RTN1: variants seen among roughly 807,000 people sequenced by gnomAD.
RTN1 encodes reticulon-1.
RTN1 carries 25 observed loss-of-function variants against 65.5 expected under a neutral mutation model. That is an observed-to-expected ratio of 0.38 (90% CI 0.28 to 0.53). The LOEUF (loss-of-function observed/expected upper bound fraction) is 0.53, where lower values mean the gene tolerates loss of function less well. Ranked by LOEUF, RTN1 falls within the 20% of genes least tolerant of loss-of-function variation. RTN1 has a pLI of 0.79. For missense variants in RTN1, 983 were observed against 1,025.4 expected, an observed-to-expected ratio of 0.96 and a Z score of 0.57; for synonymous variants, 471 against 447.6, an observed-to-expected ratio of 1.05 and a Z score of -0.66.
At chr14:59,767,904 T>G (rs1198285016) in intron 1 of RTN1, among the ~76,000 whole-genome samples, 1 of 152,214 alleles carries the variant, frequency 6.6e-6, no homozygotes, top group East Asian at 1.9e-4. Context: ...GTTGCCTTTA[T>G]GTAAAAAGCT....
chr14:59,717,197 G>T (rs1281721601), intron 3 of RTN1, among the ~76,000 whole-genome samples: 1 of 152,114 alleles, frequency 6.6e-6, no homozygotes, highest in East Asian at 1.9e-4. Flanking sequence ...GAAAGAATTA[G>T]GTTTTGGGGC....
In RTN1 at chr14:59,727,240, T is replaced by G. The variant is rs1267447686; in HGVS notation, c.1444A>C (p.Lys482Gln). The G allele has an allele frequency of 5.2e-6, 8 of 1,549,166 alleles. No homozygotes were observed. The highest frequency in any genetic ancestry group is 7.0e-6 in the Non-Finnish European group (8 of 1,147,960). The change falls in exon 3 of 9, where the codon AAG becomes CAG. Residue 482 changes from lysine to glutamine, a missense_variant. Physicochemically the swap from Lys to Gln is moderately conservative, Grantham distance 53 (BLOSUM62 1). Transcript: ENST00000267484. The surrounding 1 kb of genome is among the most constrained non-coding windows in gnomAD (Gnocchi z 4.2). ...DASSASEESP[K>Q]REQDSPPMKP... is the part of the protein sequence containing the mutation. Reference sequence around the variant, plus strand: ...ATCGGGGGTGAGTCCTGCTCCCGCTTGGGGCTCTCCTCCGAGGCCGAGGAG... The same window carrying G: ...ATCGGGGGTGAGTCCTGCTCCCGCTGGGGGCTCTCCTCCGAGGCCGAGGAG...
intron 1 of RTN1, among the ~76,000 whole-genome samples, chr14:59,856,181 C>T (rs1887604560): frequency 6.6e-6 from 1 of 152,098 alleles, no homozygotes; most frequent in African/African-American, 2.4e-5. Flanking sequence ...CTTTCAGAGT[C>T]CCTTTCTATT....
chr14:59,674,264 T>C (rs1188957862), intron 3 of RTN1, among the ~76,000 whole-genome samples: 1 of 152,248 alleles, frequency 6.6e-6, no homozygotes, highest in East Asian at 1.9e-4. Context: ...ATGGGTGGTC[T>C]ACTAGCAGTG....
At position 59,870,285 on chromosome 14, in the gene RTN1, A is replaced by G; in HGVS notation, c.241+105T>C. 1 of 1,200,294 alleles carries G rather than the reference A, an allele frequency of 8.3e-7. No individual in the cohort carries two copies. Among genetic ancestry groups the G allele is most frequent in the Non-Finnish European group, 1.1e-6 (1 of 934,864 alleles). The allele number at this position is 1,200,294 out of a possible 1,614,324, so 74.4% of individuals were successfully genotyped here. The stretch of plus-strand genomic sequence containing the variant: ...GACGCGGGGGTGGGGTCGGCGCTCA[A>G]GGCAGAAAGCGCGAGGCAGGTGCCC... On this transcript the variant is annotated intron_variant, in intron 1 of 8. Coordinates refer to ENST00000267484, the MANE Select transcript of RTN1 (RefSeq NM_021136.3). The surrounding 1 kb of genome is among the most constrained non-coding windows in gnomAD (Gnocchi z 5.1).
intron 3 of RTN1, among the ~76,000 whole-genome samples, chr14:59,617,706 T>C (rs74697093): frequency 2.0e-5 from 3 of 152,204 alleles, no homozygotes; most frequent in African/African-American, 7.2e-5. Flanking sequence ...ATTGTACTCC[T>C]AATCCTAGCC....
chr14:59,683,951 T>G (rs1883795393), intron 3 of RTN1, among the ~76,000 whole-genome samples: 1 of 152,104 alleles, frequency 6.6e-6, no homozygotes, highest in Non-Finnish European at 1.5e-5. Context: ...CCCTTTGAGT[T>G]AGTGCCTTAA....
chr14:59,839,915 A>G (rs1396071184), intron 1 of RTN1, among the ~76,000 whole-genome samples: 5 of 152,148 alleles, frequency 3.3e-5, no homozygotes, highest in East Asian at 1.9e-4. Flanking sequence ...TCATAAAATT[A>G]ACCTGTCCTC....
At chr14:59,719,256 A>G (rs1884599764) in intron 3 of RTN1, among the ~76,000 whole-genome samples, 1 of 152,190 alleles carries the variant, frequency 6.6e-6, no homozygotes, top group Non-Finnish European at 1.5e-5. Context: ...TTCTAGCAAC[A>G]TCAACTTGTT....
chr14:59,855,535 C>T (rs1374450144), intron 1 of RTN1, among the ~76,000 whole-genome samples: 1 of 152,104 alleles, frequency 6.6e-6, no homozygotes, highest in Non-Finnish European at 1.5e-5. Context: ...TTTGTGATGG[C>T]TACATTAAAA....
chr14:59,618,694 C>A (rs1177153824), intron 3 of RTN1, among the ~76,000 whole-genome samples: 1 of 152,134 alleles, frequency 6.6e-6, no homozygotes, highest in African/African-American at 2.4e-5. Flanking sequence ...GATGCTTCTT[C>A]CAAAACAAAA....
chr14:59,742,333 G>A (rs1885131156), intron 2 of RTN1, among the ~76,000 whole-genome samples: 1 of 152,140 alleles, frequency 6.6e-6, no homozygotes, highest in Non-Finnish European at 1.5e-5. Flanking sequence ...TGGTGTTTGT[G>A]TCAGAAACAA....
chr14:59,731,959 G>C, intron 2 of RTN1, among the ~76,000 whole-genome samples: 1 of 152,106 alleles, frequency 6.6e-6, no homozygotes, highest in African/African-American at 2.4e-5. Context: ...AGTATTCCCT[G>C]CCGCTCCTAG....
At chr14:59,776,315 G>A (rs1450515941) in intron 1 of RTN1, among the ~76,000 whole-genome samples, 1 of 152,064 alleles carries the variant, frequency 6.6e-6, no homozygotes, top group African/African-American at 2.4e-5. Flanking sequence ...TGTTATAGTG[G>A]AAGTGGGTTA....
intron 1 of RTN1, among the ~76,000 whole-genome samples, chr14:59,750,912 C>T (rs1323507002): frequency 5.3e-5 from 8 of 150,200 alleles, no homozygotes; most frequent in African/African-American, 2.0e-4. Flanking sequence ...GAGATGTGGT[C>T]TCACTATGTT....
intron 3 of RTN1, among the ~76,000 whole-genome samples, chr14:59,697,171 CCTT>C: frequency 6.6e-6 from 1 of 152,294 alleles, no homozygotes; most frequent in Non-Finnish European, 1.5e-5. Flanking sequence ...ACAAACATCT[CCTT>C]CTCTTTCAAA....
chr14:59,692,266 T>C (rs946774296), intron 3 of RTN1, among the ~76,000 whole-genome samples: 1 of 152,260 alleles, frequency 6.6e-6, no homozygotes, highest in African/African-American at 2.4e-5. Context: ...CAAAAATCAG[T>C]AGCATTTCTA....
intron 1 of RTN1, among the ~76,000 whole-genome samples, chr14:59,821,708 G>A (rs1886947571): frequency 6.6e-6 from 1 of 152,086 alleles, no homozygotes; most frequent in Non-Finnish European, 1.5e-5. Flanking sequence ...AGTTTGTTGA[G>A]GGTTTTTAAC....
intron 1 of RTN1, among the ~76,000 whole-genome samples, chr14:59,814,287 G>A (rs1820393828): frequency 6.6e-6 from 1 of 152,172 alleles, no homozygotes; most frequent in African/African-American, 2.4e-5. Flanking sequence ...GGCTCTTACT[G>A]GATTTATATC....
Sources: gnomAD v4.1 joint callset for allele counts (sites outside exome capture counted in the v4.1 genomes callset) on GRCh38, gnomAD v4.1.1 for gene constraint, Gnocchi (gnomAD v3.1) non-coding constraint, MANE v1.5 for transcripts, NCBI Gene and HGNC (gene_info 2026-07-23, HGNC 2026-07-21) for gene names.